Variants in EYA4 observed in about 807,000 individuals in gnomAD.
EYA4 encodes the protein protein phosphatase EYA4.
In EYA4, 31 loss-of-function variants were observed where a neutral mutation model predicts 87.9. The ratio of observed to expected loss-of-function variants is 0.35; its 90% CI spans 0.27 to 0.48. The LOEUF is 0.48. Among genes scored for constraint, EYA4 ranks in the 20% least tolerant of loss-of-function variants. The pLI is 0.99. For missense variants in EYA4, 678 were observed against 761.4 expected (o/e 0.89, Z 1.29); for synonymous variants, 263 against 270.6 (o/e 0.97, Z 0.28).
At chr6:133,313,590 A>G (rs1272571226) in intron 2 of EYA4, among the ~76,000 whole-genome samples, 1 of 152,230 alleles carries the variant, frequency 6.6e-6, no homozygotes, top group African/African-American at 2.4e-5. Flanking sequence ...AGTTGTTGCT[A>G]TTCCAATAGG....
At chr6:133,512,509 C>A (rs1048971531) in intron 14 of EYA4, among the ~76,000 whole-genome samples, 1 of 152,150 alleles carries the variant, frequency 6.6e-6, no homozygotes, top group African/African-American at 2.4e-5. Context: ...TCTCACCCCT[C>A]CTTTCTATGG....
At chr6:133,330,031 G>A (rs1781801699) in intron 2 of EYA4, among the ~76,000 whole-genome samples, 1 of 152,032 alleles carries the variant, frequency 6.6e-6, no homozygotes, top group Admixed American at 6.6e-5. Flanking sequence ...ACAATGTACA[G>A]TGAGGCAGGA....
intron 6 of EYA4, among the ~76,000 whole-genome samples, chr6:133,458,978 G>A (rs940491421): frequency 3.9e-5 from 6 of 152,072 alleles, no homozygotes; most frequent in Non-Finnish European, 5.9e-5. Flanking sequence ...GGAATAAAAC[G>A]AAATTCTTTC....
At chr6:133,411,007 C>T (rs1583206866) in intron 3 of EYA4, among the ~76,000 whole-genome samples, 1 of 147,532 alleles carries the variant, frequency 6.8e-6, no homozygotes, top group Non-Finnish European at 1.5e-5. Context: ...CACCCCCTGA[C>T]TTTCTGCCCT....
intron 13 of EYA4, among the ~76,000 whole-genome samples, chr6:133,493,119 A>G (rs1797333656): frequency 6.6e-6 from 1 of 152,216 alleles, no homozygotes; most frequent in South Asian, 2.1e-4. Flanking sequence ...ATGGAAACAC[A>G]GAAGACCCAG....
chr6:133,277,521 G>T (rs1777275970), intron 2 of EYA4, among the ~76,000 whole-genome samples: 1 of 152,174 alleles, frequency 6.6e-6, no homozygotes, highest in Non-Finnish European at 1.5e-5. Flanking sequence ...CTTATGAAGT[G>T]CTTGCATATG....
chr6:133,513,161 T>C (rs1799303593), intron 16 of EYA4, 123 bp downstream of exon 16: 4 of 991,200 alleles, frequency 4.0e-6, no homozygotes, highest in South Asian at 1.4e-5. Flanking sequence ...TTAAACCACA[T>C]TGAGCCAGAA....
intron 13 of EYA4, among the ~76,000 whole-genome samples, chr6:133,499,059 AACTAATCT>A (rs1797880749): frequency 6.6e-6 from 1 of 152,200 alleles, no homozygotes; most frequent in Non-Finnish European, 1.5e-5. Flanking sequence ...AGATAATGGT[AACTAATCT>A]CTTAAAAACA....
chr6:133,422,254 AT>A (rs1436875352), intron 3 of EYA4, among the ~76,000 whole-genome samples: 2 of 152,180 alleles, frequency 1.3e-5, no homozygotes, highest in East Asian at 3.8e-4. Flanking sequence ...ACTATCCTGA[AT>A]TTAGAAGTTA....
At position 133,246,390 on chromosome 6, in the gene EYA4, C is replaced by T. The variant is rs534339920; in HGVS notation, c.-66+4641C>T. ...CATACAGTAAGTAAATTTATTTTAA[C>T]GTACTTTTGGACAGTAGGAGAAAGA... is the stretch of plus-strand genomic sequence containing the variant. On this transcript the variant is annotated intron_variant, in intron 1 of 19. Coordinates refer to ENST00000355286, the MANE Select transcript of EYA4 (RefSeq NM_004100.5). Among the ~76,000 whole-genome samples, 62 of 151,112 alleles carry T rather than the reference C, an allele frequency of 4.1e-4. No individual in the cohort carries two copies. In the South Asian group the frequency reaches 0.012, roughly 30 times the overall value.
At chr6:133,377,535 A>G (rs1357649116) in intron 2 of EYA4, among the ~76,000 whole-genome samples, 2 of 151,424 alleles carry the variant, frequency 1.3e-5, no homozygotes, top group African/African-American at 2.4e-5. Context: ...ACAGAAAAAG[A>G]AACAACGCAG....
chr6:133,426,627 A>C (rs1019112568), intron 3 of EYA4, among the ~76,000 whole-genome samples: 1 of 152,180 alleles, frequency 6.6e-6, no homozygotes, highest in African/African-American at 2.4e-5. Flanking sequence ...CAAAAGCTCT[A>C]GCTACTCTAA....
chr6:133,526,443 G>GAGAA (rs1800639980), intron 19 of EYA4, among the ~76,000 whole-genome samples: 2 of 151,748 alleles, frequency 1.3e-5, no homozygotes, highest in Admixed American at 1.3e-4. Context: ...ATAAGAGAAA[G>GAGAA]AGAAAGGAAA....
intron 2 of EYA4, among the ~76,000 whole-genome samples, chr6:133,356,112 C>T (rs1784011820): frequency 6.6e-6 from 1 of 151,826 alleles, no homozygotes; most frequent in Non-Finnish European, 1.5e-5. Context: ...TATCTGGTGC[C>T]TCTTGTTATA....
chr6:133,260,430 G>T (rs866135905), intron 1 of EYA4, among the ~76,000 whole-genome samples: 1 of 152,228 alleles, frequency 6.6e-6, no homozygotes, highest in South Asian at 2.1e-4. Flanking sequence ...TAGAAAAGGG[G>T]TTTCGCCATG....
intron 2 of EYA4, among the ~76,000 whole-genome samples, chr6:133,351,224 T>C (rs1783616240): frequency 6.6e-6 from 1 of 152,220 alleles, no homozygotes. Flanking sequence ...GTGTGAACTT[T>C]CAGGATCTCA....
Position 133,529,931 on chromosome 6 carries a change from A to G in EYA4, c.*1126A>G, listed in dbSNP as rs1450132296. 1.0e-6 allele frequency: 1 copy of G among 985,254 alleles called. No homozygotes were observed. Among genetic ancestry groups the G allele is most frequent in the East Asian group, 1.1e-4 (1 of 8,830 alleles). 61.0% of individuals were successfully genotyped at this position (985,254 alleles called of 1,614,324 possible). On this transcript the variant is annotated 3_prime_UTR_variant, in exon 20 of 20. Transcript: ENST00000355286. ...ATTATCATGCAAATCATGAGCAATT[A>G]TCACATAAACTTTTTTAGAATGTGC...
intron 3 of EYA4, among the ~76,000 whole-genome samples, chr6:133,434,015 A>ATATT (rs1301567033): frequency 1.3e-5 from 2 of 152,220 alleles, no homozygotes; most frequent in East Asian, 1.9e-4. Context: ...GAGTTGTAAT[A>ATATT]GCCTTGCCAT....
intron 2 of EYA4, among the ~76,000 whole-genome samples, chr6:133,358,430 T>A (rs1784226921): frequency 6.6e-6 from 1 of 152,212 alleles, no homozygotes; most frequent in Non-Finnish European, 1.5e-5. Context: ...AAACTCCCTT[T>A]TTGTTGGAAA....
Sources: gnomAD v4.1 joint callset for allele counts (sites outside exome capture counted in the v4.1 genomes callset) on GRCh38, gnomAD v4.1.1 for gene constraint, MANE v1.5 for transcripts, NCBI Gene and HGNC (gene_info 2026-07-23, HGNC 2026-07-21) for gene names.